RNF216: variants seen among roughly 807,000 people sequenced by gnomAD.
The protein encoded by RNF216 is ring finger protein 216.
Under a neutral mutation model 110.8 loss-of-function variants are expected in RNF216, and 72 were observed. The observed-to-expected ratio is 0.65, with a 90% confidence interval of 0.54 to 0.79. The LOEUF (loss-of-function observed/expected upper bound fraction) is 0.79. Among genes scored for constraint, RNF216 ranks in the 30% least tolerant of loss-of-function variants. The pLI is 0.00. For synonymous variants in RNF216, 495 were observed against 407.5 expected (o/e 1.21, Z -2.59); for missense variants, 1,342 against 1,141.2 (o/e 1.18, Z -2.54).
At chr7:5,728,801 G>A (rs187827635) in intron 7 of RNF216, among the ~76,000 whole-genome samples, 1 of 152,228 alleles carries the variant, frequency 6.6e-6, no homozygotes. Context: ...ACGGCAGTAA[G>A]AGCGACCAAG....
intron 2 of RNF216, among the ~76,000 whole-genome samples, chr7:5,759,994 AAC>A (rs1208082117): frequency 2.6e-5 from 4 of 152,194 alleles, no homozygotes; most frequent in African/African-American, 9.6e-5. Flanking sequence ...CATCTTTGTA[AAC>A]ACAAAATATT....
intron 13 of RNF216, among the ~76,000 whole-genome samples, chr7:5,676,625 G>A (rs1175757971): frequency 4.6e-5 from 7 of 152,300 alleles, no homozygotes; most frequent in Non-Finnish European, 4.4e-5. Flanking sequence ...GACATTAGAG[G>A]GGCACCACAG....
intron 14 of RNF216, among the ~76,000 whole-genome samples, chr7:5,651,666 T>C (rs1479974628): frequency 6.6e-6 from 1 of 152,064 alleles, no homozygotes; most frequent in Non-Finnish European, 1.5e-5. Flanking sequence ...CTTTTTTTTT[T>C]TGAGACGGAG....
intron 2 of RNF216, among the ~76,000 whole-genome samples, chr7:5,754,022 C>T (rs1337490398): frequency 6.6e-6 from 1 of 151,554 alleles, no homozygotes; most frequent in East Asian, 1.9e-4. Flanking sequence ...CATTAAGTGA[C>T]CTAAAAGAAG....
chr7:5,719,047 GTTATTAATA>G (rs1021699007), intron 9 of RNF216, among the ~76,000 whole-genome samples: 37 of 46,364 alleles, frequency 8.0e-4, no homozygotes, highest in Admixed American at 6.6e-3. Flanking sequence ...ATTGAATAAT[GTTATTAATA>G]TTATTAAGAA....
In RNF216 at chr7:5,742,016, T is replaced by C. The variant is rs1456577806; in HGVS notation, c.202-201A>G. On this transcript the variant is annotated intron_variant, in intron 3 of 16. Coordinates refer to ENST00000389902, the MANE Select transcript of RNF216 (RefSeq NM_207111.4). The stretch of plus-strand genomic sequence containing the variant: ...CTGTAAGAATCAAAGTAGTCATTCA[T>C]AGATTAAAGCTTGAGATATAGTTTG... Among the ~76,000 whole-genome samples, 6 of 152,180 alleles carry C rather than the reference T, an allele frequency of 3.9e-5. No individual in the cohort carries two copies. In the East Asian group the frequency reaches 5.8e-4, roughly 15 times the overall value.
intron 13 of RNF216, among the ~76,000 whole-genome samples, chr7:5,672,422 AGAAGT>A (rs1789978133): frequency 6.6e-6 from 1 of 152,228 alleles, no homozygotes; most frequent in Non-Finnish European, 1.5e-5. Context: ...TTTAATAACA[AGAAGT>A]GAAGCAACCA....
chr7:5,709,331 G>A (rs1204072097), intron 13 of RNF216, among the ~76,000 whole-genome samples: 1 of 152,214 alleles, frequency 6.6e-6, no homozygotes, highest in African/African-American at 2.4e-5. Context: ...ATCACATGGT[G>A]CTGTGCCAGG....
intron 5 of RNF216, chr7:5,733,020 G>C (rs372013197): frequency 5.2e-4 from 79 of 152,310 alleles, no homozygotes; most frequent in African/African-American, 1.8e-3. Context: ...ATGGCCAGAC[G>C]GTTCCATCTG....
At chr7:5,753,368 T>A (rs1186033853) in intron 2 of RNF216, among the ~76,000 whole-genome samples, 1 of 152,192 alleles carries the variant, frequency 6.6e-6, no homozygotes, top group Non-Finnish European at 1.5e-5. Flanking sequence ...CTGAAAAAAT[T>A]ATCATTCAAA....
chr7:5,627,877 A>T (rs1786813141), intron 15 of RNF216, among the ~76,000 whole-genome samples: 1 of 152,162 alleles, frequency 6.6e-6, no homozygotes, highest in African/African-American at 2.4e-5. Context: ...TGAGGCTGAG[A>T]GCATGCAGGC....
intron 1 of RNF216, among the ~76,000 whole-genome samples, chr7:5,776,771 C>G (rs1315514098): frequency 6.6e-6 from 1 of 150,484 alleles, no homozygotes; most frequent in African/African-American, 2.4e-5. Context: ...TGTGGTGGCT[C>G]ATGCCTGTAA....
At chr7:5,628,772 T>A (rs1786878003) in intron 15 of RNF216, among the ~76,000 whole-genome samples, 1 of 151,836 alleles carries the variant, frequency 6.6e-6, no homozygotes. Context: ...GCACCCAACC[T>A]TGGTCTCCCC....
At chr7:5,671,601 G>C (rs180902764) in intron 13 of RNF216, among the ~76,000 whole-genome samples, 27 of 152,044 alleles carry the variant, frequency 1.8e-4, no homozygotes, top group Non-Finnish European at 3.1e-4. Flanking sequence ...TCAGCAGTTC[G>C]AGACCAGCCT....
At chr7:5,770,753 G>A (rs557990336) in intron 1 of RNF216, among the ~76,000 whole-genome samples, 64 of 151,354 alleles carry the variant, frequency 4.2e-4, no homozygotes, top group African/African-American at 1.4e-3. Flanking sequence ...AGACAATATT[G>A]TATTGACAAA....
At chr7:5,727,651 G>C (rs935484203) in intron 7 of RNF216, among the ~76,000 whole-genome samples, 2 of 152,156 alleles carry the variant, frequency 1.3e-5, no homozygotes, top group African/African-American at 4.8e-5. Context: ...AGGATGGCTT[G>C]AGCCCAGGTC....
At chr7:5,754,755 C>T (rs1282823319) in intron 2 of RNF216, among the ~76,000 whole-genome samples, 3 of 152,080 alleles carry the variant, frequency 2.0e-5, no homozygotes, top group Non-Finnish European at 4.4e-5. Context: ...AGGCTGGGCA[C>T]GGTGGCTCAC....
At chr7:5,703,477 C>A (rs1294393722) in intron 13 of RNF216, among the ~76,000 whole-genome samples, 3 of 152,256 alleles carry the variant, frequency 2.0e-5, no homozygotes, top group Admixed American at 1.3e-4. Flanking sequence ...CTGTAGGAGG[C>A]TGCAGATGCC....
At chr7:5,747,138 T>C (rs926654984) in intron 3 of RNF216, among the ~76,000 whole-genome samples, 2 of 152,184 alleles carry the variant, frequency 1.3e-5, no homozygotes, top group African/African-American at 4.8e-5. Context: ...AAAGAACAGT[T>C]CAACTGTTTC....
Sources: allele counts gnomAD v4.1 joint callset (sites outside exome capture counted in the v4.1 genomes callset), GRCh38; gene constraint gnomAD v4.1.1; transcripts MANE v1.5; gene names NCBI Gene and HGNC (gene_info 2026-07-23, HGNC 2026-07-21).